RAB11FIP4: variants seen among roughly 807,000 people sequenced by gnomAD.
The protein encoded by RAB11FIP4 is rab11 family-interacting protein 4.
In RAB11FIP4, 23 loss-of-function variants were observed where a neutral mutation model predicts 74.3. That is an observed-to-expected ratio of 0.31 (90% CI 0.22 to 0.44). The LOEUF (loss-of-function observed/expected upper bound fraction) is 0.44, where lower values mean the gene tolerates loss of function less well. Among genes scored for constraint, RAB11FIP4 ranks in the 20% least tolerant of loss-of-function variants. The pLI is 1.00. For synonymous variants in RAB11FIP4, 360 were observed against 359.9 expected (o/e 1.00, Z 0.00); for missense variants, 630 against 863.9 (o/e 0.73, Z 3.39).
chr17:31,394,138 G>A (rs964797115), intron 1 of RAB11FIP4, among the ~76,000 whole-genome samples: 1 of 152,186 alleles, frequency 6.6e-6, no homozygotes, highest in African/African-American at 2.4e-5. Flanking sequence ...CGGTGGATAT[G>A]CATTGCAGAA....
At position 31,512,665 on chromosome 17, in the gene RAB11FIP4, CTG is replaced by C. The variant is rs2072473132; in HGVS notation, c.337-4983_337-4982del. On this transcript the variant is annotated intron_variant, in intron 3 of 14. Transcript: ENST00000621161. This position sits in a 1 kb window ranked among gnomAD's most constrained non-coding sequence, Gnocchi z 4.1. ...AGGGACAGAGCCCTGGCAAGTCAGA[CTG>C]TGCCAGAGACGATGCCCGGTGCTGC... 6.6e-6 allele frequency among the ~76,000 whole-genome samples: 1 copy of C among 152,104 alleles called. No homozygotes were observed. Among genetic ancestry groups the C allele is most frequent in the Non-Finnish European group, 1.5e-5 (1 of 68,000 alleles).
At chr17:31,500,603 T>C (rs1227015189) in intron 3 of RAB11FIP4, among the ~76,000 whole-genome samples, 1 of 152,234 alleles carries the variant, frequency 6.6e-6, no homozygotes, top group African/African-American at 2.4e-5. Context: ...TTTACATTTG[T>C]CTTATAACTA....
At chr17:31,520,478 A>G (rs1329738009) in intron 4 of RAB11FIP4, among the ~76,000 whole-genome samples, 1 of 152,168 alleles carries the variant, frequency 6.6e-6, no homozygotes, top group African/African-American at 2.4e-5. Context: ...GAAGCAGAGC[A>G]GCTACTCCGA....
rs567550263 is a variant in RAB11FIP4, at chr17:31,501,563, C to G, written c.337-16088C>G. ...TTTTTCTTTGAGATGGAGTCTGGCTCTGTTGCCCAGGATGGAGTGCAGTGG... is the reference window on the plus strand; with the variant it reads ...TTTTTCTTTGAGATGGAGTCTGGCTGTGTTGCCCAGGATGGAGTGCAGTGG... On this transcript the variant is annotated intron_variant, in intron 3 of 14. Coordinates refer to ENST00000621161, the MANE Select transcript of RAB11FIP4 (RefSeq NM_032932.6). 2.0e-5 allele frequency among the ~76,000 whole-genome samples: 3 copies of G among 152,202 alleles called. No individual in the cohort carries two copies. In the East Asian group the frequency reaches 5.8e-4, roughly 29 times the overall value.
intron 3 of RAB11FIP4, among the ~76,000 whole-genome samples, chr17:31,467,368 C>T (rs906845854): frequency 6.6e-6 from 1 of 152,188 alleles, no homozygotes; most frequent in African/African-American, 2.4e-5. Flanking sequence ...ATCTGCCCGC[C>T]TCTGCCTCCC....
rs972637351 is a variant in RAB11FIP4 at position 31,522,270 on chromosome 17, G to C, written c.894-90G>C. ...CCTTTCAGTGGGAGGGAAGAGCCTT[G>C]TCCTGCACTGTGGTGTCTTACAGCT... On this transcript the variant is annotated intron_variant, in intron 6 of 14. Transcript: ENST00000621161. 10 of 1,413,166 alleles carry C rather than the reference G, an allele frequency of 7.1e-6. No homozygotes were observed. In the African/African-American group the frequency reaches 1.3e-4, roughly 18 times the overall value. The allele number at this position is 1,413,166 out of a possible 1,614,324, so 87.5% of individuals were successfully genotyped here.
At chr17:31,428,239 C>A (rs539362728) in intron 1 of RAB11FIP4, among the ~76,000 whole-genome samples, 6 of 152,336 alleles carry the variant, frequency 3.9e-5, no homozygotes, top group Non-Finnish European at 8.8e-5. Context: ...CGGCAGTGAC[C>A]AGGGCTTCAG....
intron 3 of RAB11FIP4, among the ~76,000 whole-genome samples, chr17:31,492,131 T>C (rs4239232): frequency 0.66 from 99,696 of 151,844 alleles, 33,116 homozygotes; most frequent in African/African-American, 0.73. Flanking sequence ...GTGTTTTCCG[T>C]ACTCTGGCCT....
chr17:31,479,605 T>C (rs1247169905), intron 3 of RAB11FIP4, among the ~76,000 whole-genome samples: 3 of 152,192 alleles, frequency 2.0e-5, no homozygotes, highest in Admixed American at 6.5e-5. Flanking sequence ...CAGCTTGTGA[T>C]TGAGGCATAG....
rs114895127 is a variant in RAB11FIP4, at chr17:31,484,433, T to C, written c.337-33218T>C. Among the ~76,000 whole-genome samples the C allele has an allele frequency of 7.2e-3, 1,090 of 151,618 alleles. 17 individuals are homozygous for C. Among genetic ancestry groups the C allele is most frequent in the African/African-American group, 0.025 (1,045 of 41,336 alleles). ...GGTAATGCTAAGAGACCAGGGTACCTAACTCAAGACCTTCCTTCCCCACAT... is the reference window on the plus strand; with the variant it reads ...GGTAATGCTAAGAGACCAGGGTACCCAACTCAAGACCTTCCTTCCCCACAT... On this transcript the variant is annotated intron_variant, in intron 3 of 14. Transcript: ENST00000621161.
chr17:31,394,696 G>A (rs1364470269), intron 1 of RAB11FIP4, among the ~76,000 whole-genome samples: 1 of 152,120 alleles, frequency 6.6e-6, no homozygotes, highest in African/African-American at 2.4e-5. Context: ...ACTCTCAGCT[G>A]TGCTGCTGCC....
chr17:31,415,288 G>T (rs1597904495), intron 1 of RAB11FIP4, among the ~76,000 whole-genome samples: 1 of 152,354 alleles, frequency 6.6e-6, no homozygotes, highest in African/African-American at 2.4e-5. Context: ...CGTGGACAAA[G>T]AGGAGGGGAG....
At chr17:31,488,007 CG>C (rs2071930195) in intron 3 of RAB11FIP4, 1 of 1,007,368 alleles carries the variant, frequency 9.9e-7, no homozygotes, top group Non-Finnish European at 1.2e-6. Flanking sequence ...CCCCGAGTCC[CG>C]GGGCCCAGGC....
intron 1 of RAB11FIP4, among the ~76,000 whole-genome samples, chr17:31,396,514 A>G (rs562866313): frequency 2.6e-4 from 40 of 152,354 alleles, no homozygotes; most frequent in Non-Finnish European, 4.6e-4. Flanking sequence ...TAATATCAGA[A>G]TTGCTGGTGC....
At chr17:31,488,230 G>GA (rs2071937234) in intron 3 of RAB11FIP4, 1 of 1,146,772 alleles carries the variant, frequency 8.7e-7, no homozygotes, top group African/African-American at 1.6e-5. Context: ...CTCTGCCGGG[G>GA]AGCGGCCCGC....
intron 3 of RAB11FIP4, among the ~76,000 whole-genome samples, chr17:31,444,349 A>ACCCCC (rs367971641): frequency 2.0e-5 from 3 of 146,866 alleles, no homozygotes; most frequent in African/African-American, 5.1e-5. Flanking sequence ...ATGTTTCAAC[A>ACCCCC]CCCCCCCCAC....
chr17:31,469,662 T>C (rs1015511947), intron 3 of RAB11FIP4, among the ~76,000 whole-genome samples: 4 of 148,460 alleles, frequency 2.7e-5, no homozygotes, highest in Non-Finnish European at 4.4e-5. Context: ...CGAGACTATA[T>C]CTAGGAGAAA....
intron 3 of RAB11FIP4, among the ~76,000 whole-genome samples, chr17:31,477,765 G>A (rs28705944): frequency 0.15 from 23,196 of 152,078 alleles, 1,991 homozygotes; most frequent in South Asian, 0.29. Context: ...ATAGGATAAC[G>A]GCTAGGTGCA....
intron 3 of RAB11FIP4, among the ~76,000 whole-genome samples, chr17:31,444,357 C>T (rs1031317866): frequency 1.3e-5 from 2 of 148,446 alleles, no homozygotes; most frequent in Admixed American, 6.7e-5. Context: ...ACACCCCCCC[C>T]ACCCTTCTAA....
Sources: allele counts gnomAD v4.1 joint callset (sites outside exome capture counted in the v4.1 genomes callset), GRCh38; gene constraint gnomAD v4.1.1; non-coding constraint Gnocchi (gnomAD v3.1); transcripts MANE v1.5; gene names NCBI Gene and HGNC (gene_info 2026-07-23, HGNC 2026-07-21).